ACSS3: variants seen among roughly 807,000 people sequenced by gnomAD.
ACSS3 encodes the protein acyl-CoA synthetase short-chain family member 3, mitochondrial.
A neutral mutation model predicts 84.2 loss-of-function variants in ACSS3; 64 were observed. The ratio of observed to expected loss-of-function variants is 0.76; its 90% confidence interval spans 0.62 to 0.94. The LOEUF (loss-of-function observed/expected upper bound fraction) is 0.94, where lower values mean the gene tolerates loss of function less well. Ranked by LOEUF, ACSS3 falls within the 40% of genes least tolerant of loss-of-function variation. ACSS3 has a pLI of 0.00. For synonymous variants in ACSS3, 317 were observed against 310.1 expected, an observed-to-expected ratio of 1.02 and a Z score of -0.23; for missense variants, 815 against 867.6, an observed-to-expected ratio of 0.94 and a Z score of 0.76.
intron 4 of ACSS3, among the ~76,000 whole-genome samples, chr12:81,140,500 T>A (rs151161955): frequency 1.3e-5 from 2 of 152,314 alleles, no homozygotes; most frequent in East Asian, 3.9e-4. Flanking sequence ...TGACAAGATA[T>A]GAGAACAGAG....
intron 2 of ACSS3, among the ~76,000 whole-genome samples, chr12:81,118,826 C>T (rs1168798873): frequency 6.6e-6 from 1 of 152,130 alleles, no homozygotes; most frequent in African/African-American, 2.4e-5. Flanking sequence ...TGAACTAAAA[C>T]ATGATTCCTG....
At chr12:81,121,252 G>A (rs1270017170) in intron 2 of ACSS3, among the ~76,000 whole-genome samples, 1 of 152,168 alleles carries the variant, frequency 6.6e-6, no homozygotes, top group Non-Finnish European at 1.5e-5. Flanking sequence ...TAGTTGTCAT[G>A]TTTTATGTAC....
At chr12:81,167,206 G>C (rs1278773724) in intron 7 of ACSS3, among the ~76,000 whole-genome samples, 1 of 151,990 alleles carries the variant, frequency 6.6e-6, no homozygotes, top group Non-Finnish European at 1.5e-5. Flanking sequence ...TTTTTTAAAG[G>C]GGATTAGATA....
In ACSS3 at chr12:81,139,314, A is replaced by G. The variant is rs193264972; in HGVS notation, c.780+49A>G. 72 of 1,590,780 alleles carry G rather than the reference A, an allele frequency of 4.5e-5. No homozygotes were observed. The African/African-American group carries it at 8.8e-4, about 20-fold the overall frequency. On this transcript the variant is annotated intron_variant, in intron 4 of 15. Coordinates refer to ENST00000548058, the MANE Select transcript of ACSS3 (RefSeq NM_024560.4). ...TCTTGCTTATGGTAATATGCTAAGAATGAGTTTAGTTTTTACCATTTAAAA... is the reference window on the plus strand; with the variant it reads ...TCTTGCTTATGGTAATATGCTAAGAGTGAGTTTAGTTTTTACCATTTAAAA...
At chr12:81,200,852 T>C (rs2032066911) in intron 9 of ACSS3, among the ~76,000 whole-genome samples, 1 of 139,108 alleles carries the variant, frequency 7.2e-6, no homozygotes, top group Admixed American at 7.6e-5. Flanking sequence ...CAAGATCCTA[T>C]CATTGCACTC....
intron 13 of ACSS3, among the ~76,000 whole-genome samples, chr12:81,233,763 C>G (rs888104464): frequency 6.6e-6 from 1 of 151,590 alleles, no homozygotes; most frequent in Non-Finnish European, 1.5e-5. Context: ...ATGCCTCTAG[C>G]TTCTTGATTT....
At chr12:81,115,819 C>T (rs887943810) in intron 2 of ACSS3, among the ~76,000 whole-genome samples, 13 of 152,182 alleles carry the variant, frequency 8.5e-5, no homozygotes, top group African/African-American at 3.1e-4. Context: ...GTTGAGAAGA[C>T]ATTTGCCCCT....
chr12:81,215,254 T>G (rs546533243), intron 9 of ACSS3, among the ~76,000 whole-genome samples: 1 of 152,048 alleles, frequency 6.6e-6, no homozygotes, highest in Non-Finnish European at 1.5e-5. Flanking sequence ...TTTTTTTTTG[T>G]CATGCTTGGA....
intron 1 of ACSS3, among the ~76,000 whole-genome samples, chr12:81,103,243 A>G (rs1882676710): frequency 6.6e-6 from 1 of 152,212 alleles, no homozygotes; most frequent in Admixed American, 6.5e-5. Context: ...AAACTACATA[A>G]CAAGTGTGTT....
intron 1 of ACSS3, among the ~76,000 whole-genome samples, chr12:81,086,500 G>A (rs1881322800): frequency 6.6e-6 from 1 of 152,176 alleles, no homozygotes. Context: ...CTACAGGAAT[G>A]CTGCAATTAC....
intron 4 of ACSS3, 79 bp from the exon 5 acceptor site, chr12:81,143,026 CTT>C: frequency 2.2e-5 from 29 of 1,317,876 alleles, no homozygotes; most frequent in Non-Finnish European, 2.9e-5. Flanking sequence ...GATGCTCAGA[CTT>C]AAATAGATTT....
At chr12:81,115,782 G>A (rs550294221) in intron 2 of ACSS3, among the ~76,000 whole-genome samples, 1 of 152,236 alleles carries the variant, frequency 6.6e-6, no homozygotes, top group East Asian at 1.9e-4. Flanking sequence ...TGAGCTGATG[G>A]TGAGTTAAAT....
intron 9 of ACSS3, among the ~76,000 whole-genome samples, chr12:81,202,889 G>C (rs149225786): frequency 1.9e-3 from 295 of 152,224 alleles, no homozygotes; most frequent in African/African-American, 6.8e-3. Flanking sequence ...TTGTTAATCG[G>C]GGTTCTCCAG....
intron 7 of ACSS3, among the ~76,000 whole-genome samples, chr12:81,172,158 C>T (rs1306504577): frequency 3.4e-5 from 5 of 146,496 alleles, no homozygotes; most frequent in East Asian, 2.1e-4. Context: ...CTCAGGTACT[C>T]GGGAAGCTGA....
In ACSS3 at chr12:81,214,295, G is replaced by T. The variant is rs145607015; in HGVS notation, c.1355-2606G>T. ...CCAGCCTCGGCCTCCGAAAGTGCTG[G>T]AATTACAGGCATGAGCCACTACGCC... On this transcript the variant is annotated intron_variant, in intron 9 of 15. Coordinates refer to ENST00000548058, the MANE Select transcript of ACSS3 (RefSeq NM_024560.4). Among the ~76,000 whole-genome samples the T allele has an allele frequency of 1.1e-3, 171 of 152,110 alleles. 1 individual carries two copies. The highest frequency in any genetic ancestry group is 3.9e-3 in the African/African-American group (161 of 41,498).
intron 7 of ACSS3, among the ~76,000 whole-genome samples, chr12:81,156,855 C>A (rs1432830228): frequency 6.6e-6 from 1 of 152,112 alleles, no homozygotes; most frequent in East Asian, 1.9e-4. Flanking sequence ...GAAAATTCTA[C>A]CAATGTTTAA....
intron 11 of ACSS3, among the ~76,000 whole-genome samples, chr12:81,221,130 T>C: frequency 6.6e-6 from 1 of 152,098 alleles, no homozygotes; most frequent in East Asian, 1.9e-4. Context: ...AGACGTGTAC[T>C]TTAAAATTTA....
At chr12:81,117,650 T>C (rs1884161378) in intron 2 of ACSS3, among the ~76,000 whole-genome samples, 1 of 152,056 alleles carries the variant, frequency 6.6e-6, no homozygotes. Context: ...CAGGCCATGG[T>C]CAAGACTGTA....
intron 7 of ACSS3, chr12:81,158,315 T>A (rs1476550672): frequency 6.5e-6 from 1 of 153,286 alleles, no homozygotes; most frequent in Non-Finnish European, 1.5e-5. Context: ...ACAACAAAAA[T>A]CTCTAATCCC....
Sources: gnomAD v4.1 joint callset for allele counts (sites outside exome capture counted in the v4.1 genomes callset) on GRCh38, gnomAD v4.1.1 for gene constraint, MANE v1.5 for transcripts, NCBI Gene and HGNC (gene_info 2026-07-23, HGNC 2026-07-21) for gene names.